Variants in GRM7 observed in about 807,000 individuals in gnomAD.
The protein encoded by GRM7 is metabotropic glutamate receptor 7.
GRM7 carries 35 observed loss-of-function variants against 84.5 expected under a neutral mutation model. The ratio of observed to expected loss-of-function variants is 0.41; its 90% CI spans 0.32 to 0.55. The LOEUF (loss-of-function observed/expected upper bound fraction) is 0.55. Among genes scored for constraint, GRM7 ranks in the 20% least tolerant of loss-of-function variants. The probability of loss-of-function intolerance (pLI) is 0.19; values close to 1 mark genes in which losing one functional copy is unlikely to be tolerated. For missense variants in GRM7, 1,003 were observed against 1,194.6 expected, an observed-to-expected ratio of 0.84 and a Z score of 2.36; for synonymous variants, 487 against 455.1, an observed-to-expected ratio of 1.07 and a Z score of -0.89.
intron 5 of GRM7, among the ~76,000 whole-genome samples, chr3:7,417,302 G>A (rs1696205248): frequency 6.6e-6 from 1 of 152,016 alleles, no homozygotes; most frequent in Non-Finnish European, 1.5e-5. Context: ...ATATGGAATG[G>A]AGGTAGATAC....
intron 1 of GRM7, among the ~76,000 whole-genome samples, chr3:6,915,333 G>C (rs1017554334): frequency 5.3e-5 from 8 of 152,082 alleles, no homozygotes; most frequent in Non-Finnish European, 8.8e-5. Context: ...TTGCTGTTGT[G>C]CTCTGCTATG....
chr3:7,694,081 C>CGTTCTGA (rs1559491958), intron 9 of GRM7, among the ~76,000 whole-genome samples: 2 of 151,958 alleles, frequency 1.3e-5, no homozygotes, highest in Non-Finnish European at 2.9e-5. Context: ...GGGGTTCTGA[C>CGTTCTGA]CCATTCCCAT....
chr3:7,579,545 T>C (rs569982479), intron 8 of GRM7, among the ~76,000 whole-genome samples, 188 bp downstream of exon 8: 39 of 152,324 alleles, frequency 2.6e-4, no homozygotes, highest in Non-Finnish European at 4.4e-4. Context: ...CCACGTTCAT[T>C]CCACTGGAAA....
chr3:7,368,889 A>T (rs950972073), intron 4 of GRM7, among the ~76,000 whole-genome samples: 14 of 31,032 alleles, frequency 4.5e-4, no homozygotes, highest in Non-Finnish European at 7.8e-4. Context: ...TTGAATTTTT[A>T]AAAATGAGTG....
At chr3:7,721,298 G>A (rs193084345) in intron 9 of GRM7, among the ~76,000 whole-genome samples, 19 of 152,298 alleles carry the variant, frequency 1.2e-4, no homozygotes, top group African/African-American at 4.3e-4. Flanking sequence ...ACCCCTCTTT[G>A]AGATGTAACA....
intron 8 of GRM7, among the ~76,000 whole-genome samples, chr3:7,583,803 G>C (rs181170610): frequency 6.6e-5 from 10 of 152,256 alleles, no homozygotes; most frequent in Admixed American, 5.9e-4. Context: ...TATTTGATTT[G>C]TTTAAAATTT....
At chr3:7,259,460 T>G (rs1256069397) in intron 2 of GRM7, among the ~76,000 whole-genome samples, 1 of 152,048 alleles carries the variant, frequency 6.6e-6, no homozygotes, top group Non-Finnish European at 1.5e-5. Flanking sequence ...TGGAGGTAGG[T>G]CCCAGTGTCT....
At position 7,622,941 on chromosome 3, in the gene GRM7, G is replaced by T. The variant is rs75878693; in HGVS notation, c.2451+43584G>T. ...GAAGGAGGTTCCAGGGGAAAGTGGG[G>T]GGTTGCAGGCCCAGAAGATAAGGTA... On this transcript the variant is annotated intron_variant, in intron 8 of 9. Transcript: ENST00000357716. Among the ~76,000 whole-genome samples the T allele has an allele frequency of 1.3e-4, 20 of 152,202 alleles. No homozygotes were observed. The East Asian group carries it at 3.7e-3, about 28-fold the overall frequency.
At chr3:7,065,143 T>C (rs1434060053) in intron 1 of GRM7, among the ~76,000 whole-genome samples, 2 of 152,044 alleles carry the variant, frequency 1.3e-5, no homozygotes, top group Non-Finnish European at 2.9e-5. Flanking sequence ...GTGGGTTGTC[T>C]ATTTAGTTTG....
rs116408143 is a variant in GRM7 at position 7,147,799 on chromosome 3, C to T, written c.736+1131C>T. Among the ~76,000 whole-genome samples, 484 of 152,294 alleles carry T rather than the reference C, an allele frequency of 3.2e-3. 3 individuals are homozygous for T. Among genetic ancestry groups the T allele is most frequent in the African/African-American group, 0.011 (453 of 41,568 alleles). ...TCTTATTCTCTTCCTTCTGACTTAA[C>T]AAAGCTGACTAAATAGCTTCTAATC... On this transcript the variant is annotated intron_variant, in intron 2 of 9. Coordinates refer to ENST00000357716, the MANE Select transcript of GRM7 (RefSeq NM_000844.4).
chr3:7,488,400 G>A (rs972129753), intron 7 of GRM7, among the ~76,000 whole-genome samples: 2 of 152,144 alleles, frequency 1.3e-5, no homozygotes, highest in African/African-American at 4.8e-5. Context: ...GCTCCCTAAT[G>A]TGACAGTGTT....
At chr3:6,982,811 C>T (rs779471175) in intron 1 of GRM7, among the ~76,000 whole-genome samples, 66 of 152,100 alleles carry the variant, frequency 4.3e-4, no homozygotes, top group Admixed American at 4.6e-4. Context: ...TATATTAATA[C>T]CTTATTTTTT....
At chr3:7,568,432 T>C (rs1019249671) in intron 7 of GRM7, among the ~76,000 whole-genome samples, 1 of 152,150 alleles carries the variant, frequency 6.6e-6, no homozygotes, top group African/African-American at 2.4e-5. Context: ...TGGTGAGAGG[T>C]GACAGCGTGC....
rs1459210825 is a variant in GRM7, at chr3:7,713,120, TTTTG to T, written c.2699-27233_2699-27230del. Among the ~76,000 whole-genome samples the T allele has an allele frequency of 1.4e-3, 135 of 94,582 alleles. 1 individual carries two copies. The highest frequency in any genetic ancestry group is 5.2e-3 in the African/African-American group (123 of 23,518). The allele number at this position is 94,582 out of a possible 152,430, so 62.0% of individuals were successfully genotyped here. On this transcript the variant is annotated intron_variant, in intron 9 of 9. Coordinates refer to ENST00000357716, the MANE Select transcript of GRM7 (RefSeq NM_000844.4). ...ACAGATAGAGAGGATTCGAATTTTG[TTTTG>T]TTTTTTTTTTTTTTTTTTTTTTTTT...
At chr3:7,300,976 A>G (rs1367049512) in intron 3 of GRM7, among the ~76,000 whole-genome samples, 1 of 152,160 alleles carries the variant, frequency 6.6e-6, no homozygotes, top group African/African-American at 2.4e-5. Flanking sequence ...TTCCTAACCT[A>G]ATGCTTCATA....
intron 4 of GRM7, among the ~76,000 whole-genome samples, chr3:7,358,106 C>A (rs554878566): frequency 1.3e-5 from 2 of 152,108 alleles, no homozygotes; most frequent in Non-Finnish European, 2.9e-5. Flanking sequence ...TGACAAACAA[C>A]TTTCCTGAGG....
chr3:7,382,151 C>T (rs1694617434), intron 4 of GRM7, among the ~76,000 whole-genome samples: 1 of 152,136 alleles, frequency 6.6e-6, no homozygotes, highest in Non-Finnish European at 1.5e-5. Context: ...TACCTTATGG[C>T]TTTTTTATTG....
At chr3:7,344,116 G>T (rs1692780131) in intron 4 of GRM7, among the ~76,000 whole-genome samples, 1 of 151,850 alleles carries the variant, frequency 6.6e-6, no homozygotes, top group African/African-American at 2.4e-5. Context: ...TTTAAGTTCA[G>T]GGGTACAAGC....
At chr3:7,330,702 C>T (rs73132220) in intron 4 of GRM7, among the ~76,000 whole-genome samples, 7,131 of 152,246 alleles carry the variant, frequency 0.047, 281 homozygotes, top group African/African-American at 0.099. Flanking sequence ...CACCATGATT[C>T]TGAGGCCTCC....
Sources: gnomAD v4.1 joint callset for allele counts (sites outside exome capture counted in the v4.1 genomes callset) on GRCh38, gnomAD v4.1.1 for gene constraint, MANE v1.5 for transcripts, NCBI Gene and HGNC (gene_info 2026-07-23, HGNC 2026-07-21) for gene names.